CNTN5: variants seen among roughly 807,000 people sequenced by gnomAD.
The protein encoded by CNTN5 is contactin-5.
Under a neutral mutation model 129.1 loss-of-function variants are expected in CNTN5, and 77 were observed. That is an observed-to-expected ratio of 0.60 (90% CI 0.50 to 0.72). CNTN5 has a LOEUF of 0.72. CNTN5 is among the 30% of genes least tolerant of loss of function. The probability of loss-of-function intolerance (pLI) is 0.00; values close to 1 mark genes in which losing one functional copy is unlikely to be tolerated. For synonymous variants in CNTN5, 509 were observed against 465.6 expected, an observed-to-expected ratio of 1.09 and a Z score of -1.20; for missense variants, 1,478 against 1,328.8, an observed-to-expected ratio of 1.11 and a Z score of -1.75.
At chr11:99,081,574 T>G (rs1343258585) in intron 1 of CNTN5, among the ~76,000 whole-genome samples, 1 of 152,198 alleles carries the variant, frequency 6.6e-6, no homozygotes, top group Non-Finnish European at 1.5e-5. Flanking sequence ...TCATATCTAC[T>G]TATTGATCCT....
chr11:99,034,411 G>A (rs1393509205), intron 1 of CNTN5, among the ~76,000 whole-genome samples: 2 of 151,446 alleles, frequency 1.3e-5, no homozygotes, highest in Admixed American at 1.3e-4. Context: ...GACTCTTTTT[G>A]GTTGGTAAGC....
At chr11:100,296,273 TA>T (rs2138879237) in intron 18 of CNTN5, among the ~76,000 whole-genome samples, 1 of 151,746 alleles carries the variant, frequency 6.6e-6, no homozygotes, top group South Asian at 2.1e-4. Flanking sequence ...TACTAATACG[TA>T]ACTCAATAAA....
intron 15 of CNTN5, among the ~76,000 whole-genome samples, chr11:100,224,433 T>A (rs1456707706): frequency 1.3e-5 from 2 of 152,200 alleles, no homozygotes; most frequent in East Asian, 3.8e-4. Context: ...AGTTTGTGCA[T>A]ACTTAAATAT....
At chr11:99,549,868 G>T (rs1948425330) in intron 2 of CNTN5, among the ~76,000 whole-genome samples, 1 of 151,996 alleles carries the variant, frequency 6.6e-6, no homozygotes. Flanking sequence ...TCTGATTCCA[G>T]TATCCATTAA....
intron 2 of CNTN5, among the ~76,000 whole-genome samples, chr11:99,470,782 C>T (rs1399184234): frequency 1.3e-5 from 2 of 148,428 alleles, no homozygotes; most frequent in Non-Finnish European, 3.0e-5. Flanking sequence ...TTTTAATTTA[C>T]AATTAAAATA....
chr11:99,577,638 A>G (rs1949400531), intron 3 of CNTN5, among the ~76,000 whole-genome samples: 1 of 152,116 alleles, frequency 6.6e-6, no homozygotes, highest in African/African-American at 2.4e-5. Flanking sequence ...TTATTTCTAG[A>G]GTAATAAAAT....
chr11:99,919,333 A>T (rs963376499), intron 7 of CNTN5, among the ~76,000 whole-genome samples: 6 of 152,148 alleles, frequency 3.9e-5, no homozygotes, highest in Admixed American at 6.6e-5. Context: ...CATTTTTATC[A>T]GAGTTTGATT....
chr11:99,279,774 G>A (rs1863606557), intron 1 of CNTN5, among the ~76,000 whole-genome samples: 1 of 151,456 alleles, frequency 6.6e-6, no homozygotes, highest in East Asian at 1.9e-4. Flanking sequence ...CAATCTCCAC[G>A]ATAATATTGT....
chr11:100,132,162 A>ACTTCT (rs1283092428), intron 13 of CNTN5, among the ~76,000 whole-genome samples: 1 of 152,098 alleles, frequency 6.6e-6, no homozygotes, highest in African/African-American at 2.4e-5. Flanking sequence ...TCATTAGACA[A>ACTTCT]CTTCTCTCAT....
At chr11:100,077,265 G>C (rs1042104785) in intron 13 of CNTN5, among the ~76,000 whole-genome samples, 1 of 152,070 alleles carries the variant, frequency 6.6e-6, no homozygotes, top group Admixed American at 6.6e-5. Context: ...ATTGGGTGTG[G>C]AGATTCAAAT....
chr11:99,826,151 C>G (rs1189190978), intron 4 of CNTN5, among the ~76,000 whole-genome samples: 1 of 151,178 alleles, frequency 6.6e-6, no homozygotes, highest in African/African-American at 2.4e-5. Flanking sequence ...TTGACTTTGG[C>G]TTTTTTTTGC....
At position 100,163,865 on chromosome 11, in the gene CNTN5, T is replaced by C. The variant is rs116825066; in HGVS notation, c.1581-27261T>C. Among the ~76,000 whole-genome samples the C allele has an allele frequency of 5.7e-3, 872 of 151,964 alleles. 11 individuals carry two copies. The highest frequency in any genetic ancestry group is 0.02 in the African/African-American group (824 of 41,524). On this transcript the variant is annotated intron_variant, in intron 13 of 24. Transcript: ENST00000524871. The stretch of plus-strand genomic sequence containing the variant: ...TGTTACTCCTATGTACCAGACACTT[T>C]AAAAAGGACTTCATATGTTTTATAT...
At chr11:99,797,073 C>G (rs934830488) in intron 3 of CNTN5, among the ~76,000 whole-genome samples, 9 of 152,026 alleles carry the variant, frequency 5.9e-5, no homozygotes, top group Admixed American at 5.9e-4. Flanking sequence ...GTCCTGGGCC[C>G]TTGGTGGCAG....
At chr11:99,212,456 C>T (rs966845169) in intron 1 of CNTN5, among the ~76,000 whole-genome samples, 1 of 152,128 alleles carries the variant, frequency 6.6e-6, no homozygotes, top group South Asian at 2.1e-4. Flanking sequence ...TTTCCTTGCA[C>T]GTCGAAGGTG....
chr11:100,140,060 G>GT (rs1946643484), intron 13 of CNTN5, among the ~76,000 whole-genome samples: 1 of 152,092 alleles, frequency 6.6e-6, no homozygotes, highest in Non-Finnish European at 1.5e-5. Context: ...AAGAGAGGAA[G>GT]TAGAGTAGAA....
chr11:100,224,119 C>T (rs2138627595), intron 15 of CNTN5, among the ~76,000 whole-genome samples: 1 of 152,216 alleles, frequency 6.6e-6, no homozygotes, highest in South Asian at 2.1e-4. Context: ...TTCAGGCTGA[C>T]CCTGATCCAT....
At chr11:99,914,615 A>G (rs1386886342) in intron 6 of CNTN5, among the ~76,000 whole-genome samples, 1 of 152,108 alleles carries the variant, frequency 6.6e-6, no homozygotes, top group African/African-American at 2.4e-5. Flanking sequence ...ACAATCCCCC[A>G]GAAAAGTAGA....
chr11:100,268,821 G>A (rs1377345681), intron 17 of CNTN5, among the ~76,000 whole-genome samples: 1 of 152,018 alleles, frequency 6.6e-6, no homozygotes, highest in Non-Finnish European at 1.5e-5. Context: ...AAAGAAAGGA[G>A]TCCAGGACGG....
intron 1 of CNTN5, among the ~76,000 whole-genome samples, chr11:99,051,317 A>G (rs1357858203): frequency 6.6e-6 from 1 of 151,966 alleles, no homozygotes; most frequent in African/African-American, 2.4e-5. Context: ...AAGGAAAAGA[A>G]GCAAATAACT....
Sources: allele counts gnomAD v4.1 joint callset (sites outside exome capture counted in the v4.1 genomes callset), GRCh38; gene constraint gnomAD v4.1.1; transcripts MANE v1.5; gene names NCBI Gene and HGNC (gene_info 2026-07-23, HGNC 2026-07-21).